Variants in ASAP2 observed in about 807,000 individuals in gnomAD.
The protein encoded by ASAP2 is ArfGAP with SH3 domain, ankyrin repeat and PH domain 2, also known as arf-GAP with SH3 domain, ANK repeat and PH domain-containing protein 2.
In ASAP2, 45 loss-of-function variants were observed where a neutral mutation model predicts 131.4. The observed-to-expected ratio is 0.34, with a 90% CI of 0.27 to 0.44. The LOEUF (loss-of-function observed/expected upper bound fraction) is 0.44, where lower values mean the gene tolerates loss of function less well. ASAP2 is among the 20% of genes least tolerant of loss of function. The pLI is 1.00. For synonymous variants in ASAP2, 510 were observed against 503.0 expected, an observed-to-expected ratio of 1.01 and a Z score of -0.19; for missense variants, 1,011 against 1,297.0, an observed-to-expected ratio of 0.78 and a Z score of 3.39.
chr2:9,233,923 C>G (rs746834399), intron 1 of ASAP2, among the ~76,000 whole-genome samples: 1 of 151,800 alleles, frequency 6.6e-6, no homozygotes, highest in Non-Finnish European at 1.5e-5. Context: ...CCAGCTTGGC[C>G]AACACGGTGA....
chr2:9,400,109 T>C lies in ASAP2; in HGVS notation c.2734+37T>C, dbSNP rs768891081. 4.4e-6 allele frequency: 7 copies of C among 1,583,568 alleles called. No individual in the cohort carries two copies. In the Admixed American group the frequency reaches 6.8e-5, roughly 15 times the overall value. The stretch of plus-strand genomic sequence containing the variant: ...ATTTGGGACTGAGTTTGTTTCTGCT[T>C]GGTCCATGGGGGCAATGTGGGGGAT... On this transcript the variant is annotated intron_variant, in intron 25 of 27. Coordinates refer to ENST00000281419, the MANE Select transcript of ASAP2 (RefSeq NM_003887.3).
At chr2:9,365,846 CG>C (rs1314552297) in intron 15 of ASAP2, among the ~76,000 whole-genome samples, 1 of 152,184 alleles carries the variant, frequency 6.6e-6, no homozygotes, top group Non-Finnish European at 1.5e-5. Context: ...CCAGCACAGA[CG>C]AGGGGCTCAG....
In ASAP2 at chr2:9,388,399, G is replaced by A. The variant is rs142347590; in HGVS notation, c.2236G>A (p.Ala746Thr). 1.3e-5 allele frequency: 21 copies of A among 1,613,962 alleles called. No individual in the cohort carries two copies. The highest frequency in any genetic ancestry group is 1.7e-5 in the Non-Finnish European group (20 of 1,180,024). The change falls in exon 22 of 28, where the codon GCC (alanine) becomes ACC (threonine). Residue 746 changes from alanine (A) to threonine (T), a missense_variant. By Grantham distance (58) the Ala-to-Thr change is moderately conservative. Coordinates refer to ENST00000281419, the MANE Select transcript of ASAP2 (RefSeq NM_003887.3). ...VSLARDAANL[A>T]KEKQRAFMPS... ...TTTGGCCAGAGATGCTGCAAACCTT[G>A]CCAAGGAGAAGCAGAGGGCTTTCAT... is the stretch of plus-strand genomic sequence containing the variant.
At chr2:9,287,749 G>C (rs1057413349) in intron 2 of ASAP2, among the ~76,000 whole-genome samples, 3 of 151,764 alleles carry the variant, frequency 2.0e-5, no homozygotes, top group African/African-American at 7.3e-5. Flanking sequence ...ATGTCTTCCA[G>C]TTGTGAGACT....
intron 5 of ASAP2, among the ~76,000 whole-genome samples, chr2:9,322,279 G>T (rs760757117): frequency 2.6e-5 from 4 of 152,208 alleles, no homozygotes; most frequent in Non-Finnish European, 4.4e-5. Flanking sequence ...AGTCCTCCTT[G>T]CCCTAATGAC....
intron 21 of ASAP2, 89 bp downstream of exon 21, chr2:9,385,447 GT>G: frequency 9.7e-7 from 1 of 1,025,898 alleles, no homozygotes; most frequent in Non-Finnish European, 1.5e-6. Flanking sequence ...GCAGAAAGCT[GT>G]TTTATAGAAA....
At chr2:9,263,920 C>G (rs1877098) in intron 1 of ASAP2, among the ~76,000 whole-genome samples, 82,761 of 151,896 alleles carry the variant, frequency 0.54, 23,659 homozygotes, top group African/African-American at 0.73. Flanking sequence ...GGCCAGGTGC[C>G]GTGTCTCACA....
At chr2:9,254,254 T>TATATATATATATATATATATATATACAC (rs1553297027) in intron 1 of ASAP2, among the ~76,000 whole-genome samples, 25 of 65,722 alleles carry the variant, frequency 3.8e-4, no homozygotes, top group African/African-American at 7.4e-4. Flanking sequence ...TATATATATA[T>TATATATATATATATATATATATATACAC]ACACGTGTGT....
intron 1 of ASAP2, among the ~76,000 whole-genome samples, chr2:9,218,906 C>G (rs1662233521): frequency 6.6e-6 from 1 of 152,190 alleles, no homozygotes; most frequent in Admixed American, 6.5e-5. Context: ...TTTAAAGATT[C>G]CCTCCTTGGA....
chr2:9,212,415 C>G (rs991881162), intron 1 of ASAP2, among the ~76,000 whole-genome samples: 1 of 152,046 alleles, frequency 6.6e-6, no homozygotes, highest in African/African-American at 2.4e-5. Flanking sequence ...AGGCAGTTAC[C>G]TGTGGGTTAC....
In ASAP2 at chr2:9,323,123, C is replaced by A; in HGVS notation, c.473C>A (p.Thr158Asn). The A allele has an allele frequency of 6.2e-7, 1 of 1,614,038 alleles. No individual in the cohort carries two copies. The highest frequency in any genetic ancestry group is 8.5e-7 in the Non-Finnish European group (1 of 1,179,998). ...KAWKDYETKITKIEKEKKEHA... is the reference protein window; with the variant it reads ...KAWKDYETKINKIEKEKKEHA... ...TGTATCCTTGCTTTCACACGTAGAA[C>A]CAAGATAGAAAAGGAGAAAAAGGAA... Residue 158 changes from threonine (T) to asparagine (N), a missense_variant and splice_region_variant, in exon 6 of 28, where the codon ACC (threonine) becomes AAC (asparagine). By Grantham distance (65) the Thr-to-Asn change is moderately conservative. This residue lies in a region of ASAP2 where 359 missense variants were observed against 598.1 expected (regional missense o/e 0.60). Coordinates refer to ENST00000281419, the MANE Select transcript of ASAP2 (RefSeq NM_003887.3).
chr2:9,349,637 C>T (rs936171754), intron 11 of ASAP2, among the ~76,000 whole-genome samples: 5 of 152,188 alleles, frequency 3.3e-5, no homozygotes, highest in Non-Finnish European at 2.9e-5. Context: ...GAGGAAAAGA[C>T]CAACACAGCC....
In ASAP2 at chr2:9,386,354, A is replaced by G. The variant is rs535063573; in HGVS notation, c.2130+996A>G. On this transcript the variant is annotated intron_variant, in intron 21 of 27. Transcript: ENST00000281419. ...AGCTACAAAACACTGTCAAAGTGAGAAGAGTTGACTGATTTCATACTTAAC... is the reference window on the plus strand; with the variant it reads ...AGCTACAAAACACTGTCAAAGTGAGGAGAGTTGACTGATTTCATACTTAAC... Among the ~76,000 whole-genome samples, 10 of 152,190 alleles carry G rather than the reference A, an allele frequency of 6.6e-5. No homozygotes were observed. The South Asian group carries it at 2.1e-3, about 32-fold the overall frequency.
At chr2:9,346,687 A>G (rs918265781) in intron 11 of ASAP2, among the ~76,000 whole-genome samples, 4 of 152,214 alleles carry the variant, frequency 2.6e-5, no homozygotes, top group African/African-American at 9.7e-5. Flanking sequence ...ACTGTCATAC[A>G]ACTAAGTTCT....
At chr2:9,257,268 C>G (rs1665233484) in intron 1 of ASAP2, among the ~76,000 whole-genome samples, 2 of 150,992 alleles carry the variant, frequency 1.3e-5, no homozygotes, top group Admixed American at 6.6e-5. Flanking sequence ...TCTCAATTGC[C>G]TTGGGAAATT....
chr2:9,318,576 G>A lies in ASAP2; in HGVS notation c.398G>A (p.Gly133Glu). ...ISFPLDSLLK[G>E]DLKGVKGDLK... ...TTCCCTTTGGACAGTTTGCTGAAGG[G>A]GGACCTGAAAGGAGTGAAAGGGGTA... Residue 133 changes from glycine to glutamate, a missense_variant, in exon 4 of 28, where the codon GGG (glycine) becomes GAG (glutamate). Gly to Glu is a moderately conservative substitution (Grantham distance 98). Around this residue, in one of 2 missense-constraint regions of ASAP2, gnomAD observed 359 missense variants for 598.1 expected, o/e 0.60. Coordinates refer to ENST00000281419, the MANE Select transcript of ASAP2 (RefSeq NM_003887.3). 3 of 1,613,136 alleles carry A rather than the reference G, an allele frequency of 1.9e-6. No individual in the cohort carries two copies. Among genetic ancestry groups the A allele is most frequent in the Non-Finnish European group, 2.5e-6 (3 of 1,179,512 alleles).
chr2:9,271,530 T>C (rs1411800567), intron 1 of ASAP2: 6 of 1,536,238 alleles, frequency 3.9e-6, no homozygotes, highest in Non-Finnish European at 5.4e-6. Context: ...GTTGAATTCT[T>C]ATATGGATAT....
At chr2:9,264,635 G>A (rs796153577) in intron 1 of ASAP2, among the ~76,000 whole-genome samples, 2 of 152,190 alleles carry the variant, frequency 1.3e-5, no homozygotes, top group African/African-American at 4.8e-5. Flanking sequence ...AGGTGATAGC[G>A]AAAACTCAGT....
At chr2:9,339,914 G>A (rs1395627544) in intron 9 of ASAP2, among the ~76,000 whole-genome samples, 1 of 152,172 alleles carries the variant, frequency 6.6e-6, no homozygotes, top group African/African-American at 2.4e-5. Context: ...CCATTGCAGG[G>A]CATTTCCTGT....
Sources: allele counts gnomAD v4.1 joint callset (sites outside exome capture counted in the v4.1 genomes callset), GRCh38; gene constraint gnomAD v4.1.1; regional missense constraint gnomAD v4.1.1; transcripts MANE v1.5; gene names NCBI Gene and HGNC (gene_info 2026-07-23, HGNC 2026-07-21).